HOMER1: variants seen among roughly 807,000 people sequenced by gnomAD.
HOMER1 encodes homer protein homolog 1.
Under a neutral mutation model 48.9 loss-of-function variants are expected in HOMER1, and 3 were observed. The observed-to-expected ratio is 0.06, with a 90% confidence interval of 0.03 to 0.16. HOMER1 has a LOEUF of 0.16. HOMER1 is among the 10% of genes least tolerant of loss of function. The pLI, the probability that HOMER1 is intolerant of heterozygous loss-of-function variation, is 1.00. For missense variants in HOMER1, 247 were observed against 411.4 expected, an observed-to-expected ratio of 0.60 and a Z score of 3.46; for synonymous variants, 134 against 146.4, an observed-to-expected ratio of 0.92 and a Z score of 0.61.
At chr5:79,379,115 A>ATATATATGTATATATAT (rs1349080228) in intron 8 of HOMER1, among the ~76,000 whole-genome samples, 1 of 55,622 alleles carries the variant, frequency 1.8e-5, no homozygotes, top group South Asian at 6.4e-4. Flanking sequence ...TATATATATA[A>ATATATATGTATATATAT]AATATATAAA....
intron 1 of HOMER1, among the ~76,000 whole-genome samples, chr5:79,506,124 A>T (rs10942890): frequency 0.2 from 19,080 of 97,336 alleles, 1,496 homozygotes; most frequent in East Asian, 0.42. Flanking sequence ...TTATTTATTT[A>T]TTTTTTTGAG....
At chr5:79,389,017 C>T (rs7737875) in intron 8 of HOMER1, among the ~76,000 whole-genome samples, 72,080 of 151,762 alleles carry the variant, frequency 0.47, 20,464 homozygotes, top group African/African-American at 0.79. Flanking sequence ...CAATGTATTT[C>T]GTGAAATATT....
At chr5:79,477,911 T>G (rs1368350454) in intron 1 of HOMER1, among the ~76,000 whole-genome samples, 1 of 151,978 alleles carries the variant, frequency 6.6e-6, no homozygotes, top group African/African-American at 2.4e-5. Context: ...TGGTAAGAAA[T>G]GTCAATAGAA....
chr5:79,443,582 T>C lies in HOMER1; in HGVS notation c.387+3471A>G, dbSNP rs899597915. Among the ~76,000 whole-genome samples the C allele has an allele frequency of 2.0e-4, 30 of 152,220 alleles. 1 individual carries two copies. Among genetic ancestry groups the C allele is most frequent in the African/African-American group, 7.2e-4 (30 of 41,458 alleles). On this transcript the variant is annotated intron_variant, in intron 4 of 8. Transcript: ENST00000334082. Reference sequence around the variant, plus strand: ...TAGTGCCAGACAGTATGTTAAGGCCTTACATCATCATCCTCCCCATTACAA... The same window carrying C: ...TAGTGCCAGACAGTATGTTAAGGCCCTACATCATCATCCTCCCCATTACAA...
intron 1 of HOMER1, among the ~76,000 whole-genome samples, chr5:79,458,067 A>G: frequency 6.6e-6 from 1 of 152,212 alleles, no homozygotes; most frequent in East Asian, 1.9e-4. Flanking sequence ...GAAACCACAA[A>G]TATCTCTTAC....
At position 79,397,650 on chromosome 5, in the gene HOMER1, G is replaced by A. The variant is rs1283419399; in HGVS notation, c.685-13C>T. 14 of 1,476,412 alleles carry A rather than the reference G, an allele frequency of 9.5e-6. No homozygotes were observed. The highest frequency in any genetic ancestry group is 1.2e-5 in the Non-Finnish European group (13 of 1,067,012). 91.5% of individuals were successfully genotyped at this position (1,476,412 alleles called of 1,614,324 possible). A position where few individuals can be genotyped will look rare whatever the true frequency, so the allele number is the denominator to read the frequency against. Reference sequence around the variant, plus strand: ...CAAGTTCAGTCACCTAAAATTAAATGAGAACACAGATTAACTTAAATTTCA... The same window carrying A: ...CAAGTTCAGTCACCTAAAATTAAATAAGAACACAGATTAACTTAAATTTCA... On this transcript the variant is annotated splice_polypyrimidine_tract_variant and intron_variant, in intron 6 of 8. Coordinates refer to ENST00000334082, the MANE Select transcript of HOMER1 (RefSeq NM_004272.5).
chr5:79,444,545 T>C (rs374731589), intron 4 of HOMER1, among the ~76,000 whole-genome samples: 1 of 152,366 alleles, frequency 6.6e-6, no homozygotes, highest in South Asian at 2.1e-4. Flanking sequence ...ATCTTTTATA[T>C]ATTCCTTTAA....
At chr5:79,436,242 G>A (rs1750581352) in intron 5 of HOMER1, among the ~76,000 whole-genome samples, 2 of 152,212 alleles carry the variant, frequency 1.3e-5, no homozygotes, top group African/African-American at 4.8e-5. Context: ...AAAAACTTGT[G>A]AGTTTTAGAT....
At chr5:79,488,033 C>G (rs919099975) in intron 1 of HOMER1, among the ~76,000 whole-genome samples, 4 of 152,154 alleles carry the variant, frequency 2.6e-5, no homozygotes, top group African/African-American at 9.7e-5. Context: ...TTAAAACTTT[C>G]TGTACACTTA....
At chr5:79,467,228 T>C (rs766051330) in intron 1 of HOMER1, among the ~76,000 whole-genome samples, 5 of 151,682 alleles carry the variant, frequency 3.3e-5, no homozygotes, top group Non-Finnish European at 7.4e-5. Context: ...ATGTCTCTAC[T>C]AAAAATAAAA....
chr5:79,428,353 G>A (rs757124358), intron 5 of HOMER1, among the ~76,000 whole-genome samples: 1 of 151,940 alleles, frequency 6.6e-6, no homozygotes. Context: ...AATGGTAAAC[G>A]ACTCAACGCT....
At chr5:79,487,643 G>T (rs1752148721) in intron 1 of HOMER1, among the ~76,000 whole-genome samples, 1 of 152,136 alleles carries the variant, frequency 6.6e-6, no homozygotes, top group Non-Finnish European at 1.5e-5. Context: ...GTTATAGACT[G>T]AAAGAGATCC....
At chr5:79,440,769 T>G (rs1750715720) in intron 4 of HOMER1, among the ~76,000 whole-genome samples, 1 of 152,212 alleles carries the variant, frequency 6.6e-6, no homozygotes, top group African/African-American at 2.4e-5. Flanking sequence ...CTTATTTCTC[T>G]CCAAGACAGG....
At chr5:79,412,192 G>GT (rs1207481309) in intron 5 of HOMER1, among the ~76,000 whole-genome samples, 1 of 152,106 alleles carries the variant, frequency 6.6e-6, no homozygotes. Context: ...ATTATTCTCT[G>GT]TATCAGTAGT....
intron 8 of HOMER1, among the ~76,000 whole-genome samples, chr5:79,395,972 T>C (rs1188600579): frequency 6.6e-6 from 1 of 152,188 alleles, no homozygotes; most frequent in Non-Finnish European, 1.5e-5. Flanking sequence ...TTATGCCTTA[T>C]CTCAGATTCC....
chr5:79,409,610 A>G (rs1432356711), intron 5 of HOMER1, among the ~76,000 whole-genome samples: 1 of 152,190 alleles, frequency 6.6e-6, no homozygotes, highest in Non-Finnish European at 1.5e-5. Context: ...CCATGGAAAG[A>G]GAGAAAATAT....
intron 5 of HOMER1, among the ~76,000 whole-genome samples, chr5:79,417,461 CT>C: frequency 6.6e-6 from 1 of 152,194 alleles, no homozygotes; most frequent in Non-Finnish European, 1.5e-5. Context: ...TCTTAAAAAA[CT>C]GACCATTGAT....
intron 1 of HOMER1, among the ~76,000 whole-genome samples, chr5:79,464,990 G>C (rs1751416040): frequency 6.6e-6 from 1 of 152,056 alleles, no homozygotes; most frequent in Non-Finnish European, 1.5e-5. Context: ...AAATTGTAAA[G>C]TAACCTTGCT....
chr5:79,405,280 G>A (rs1212633409), intron 5 of HOMER1, among the ~76,000 whole-genome samples: 1 of 152,154 alleles, frequency 6.6e-6, no homozygotes, highest in East Asian at 1.9e-4. Context: ...CGGAAGAAAT[G>A]ACCCTGCAGA....
Sources: gnomAD v4.1 joint callset for allele counts (sites outside exome capture counted in the v4.1 genomes callset) on GRCh38, gnomAD v4.1.1 for gene constraint, MANE v1.5 for transcripts, NCBI Gene and HGNC (gene_info 2026-07-23, HGNC 2026-07-21) for gene names.